The following NOS1 variants were observed in gnomAD, a reference collection of about 807,000 sequenced individuals.
NOS1 encodes the protein NOS type I.
A neutral mutation model predicts 164.5 loss-of-function variants in NOS1; 51 were observed. The observed-to-expected ratio is 0.31, with a 90% CI of 0.25 to 0.39. NOS1 has a LOEUF of 0.39. Ranked by LOEUF, NOS1 falls within the 10% of genes least tolerant of loss-of-function variation. The pLI is 1.00. For synonymous variants in NOS1, 719 were observed against 745.8 expected (o/e 0.96, Z 0.59); for missense variants, 1,362 against 1,885.6 (o/e 0.72, Z 5.14).
chr12:117,335,147 T>A (rs185684737), intron 1 of NOS1, among the ~76,000 whole-genome samples: 9 of 152,342 alleles, frequency 5.9e-5, no homozygotes, highest in African/African-American at 1.9e-4. Flanking sequence ...ATGTAATAGA[T>A]AACGATTCGG....
At chr12:117,222,906 T>A (rs774620997) in intron 25 of NOS1, 43 bp from the exon 26 acceptor site, 7 of 1,597,350 alleles carry the variant, frequency 4.4e-6, no homozygotes, top group Non-Finnish European at 6.0e-6. Context: ...GCTCTCTGCC[T>A]GATGTGCAGG....
intron 1 of NOS1, among the ~76,000 whole-genome samples, chr12:117,360,449 G>A (rs770024706): frequency 2.6e-5 from 4 of 152,262 alleles, no homozygotes; most frequent in Non-Finnish European, 5.9e-5. Flanking sequence ...AACCGTGGCG[G>A]AACGCGCCCC....
chr12:117,297,376 T>C (rs1206788153), intron 3 of NOS1, among the ~76,000 whole-genome samples: 2 of 151,796 alleles, frequency 1.3e-5, no homozygotes, highest in Non-Finnish European at 2.9e-5. Context: ...TAAACATGGA[T>C]TGGGTAAGTG....
chr12:117,309,325 C>T, intron 3 of NOS1: 2 of 985,236 alleles, frequency 2.0e-6, no homozygotes, highest in Non-Finnish European at 2.4e-6. Flanking sequence ...ACCACAGAAT[C>T]CCTGATGTCC....
chr12:117,273,487 T>A (rs537304343), intron 9 of NOS1, among the ~76,000 whole-genome samples: 1 of 152,248 alleles, frequency 6.6e-6, no homozygotes, highest in African/African-American at 2.4e-5. Flanking sequence ...GGGGAGCTAT[T>A]AGGTTGATGC....
At chr12:117,332,072 A>G (rs1875576577) in intron 1 of NOS1, among the ~76,000 whole-genome samples, 1 of 152,212 alleles carries the variant, frequency 6.6e-6, no homozygotes, top group Non-Finnish European at 1.5e-5. Context: ...GTCACACTAC[A>G]AACATAAATA....
chr12:117,215,183 G>A lies in NOS1; in HGVS notation c.*126C>T, dbSNP rs1161941987. 4 of 1,337,714 alleles carry A rather than the reference G, an allele frequency of 3.0e-6. No homozygotes were observed. The highest frequency in any genetic ancestry group is 2.7e-5 in the East Asian group (1 of 36,510). The allele number at this position is 1,337,714 out of a possible 1,614,324, so 82.9% of individuals were successfully genotyped here. A position where few individuals can be genotyped will look rare whatever the true frequency, so the allele number is the denominator to read the frequency against. ...CACTGAGGGGCGAGAAGCCCGAGGA[G>A]GGAAACCAGGGCACAGCGACAAGGA... On this transcript the variant is annotated 3_prime_UTR_variant, in exon 29 of 29. Coordinates refer to ENST00000317775, the MANE Select transcript of NOS1 (RefSeq NM_000620.5).
rs1956573324 is a variant in NOS1, at chr12:117,214,511, G to A, written c.*798C>T. 1.0e-6 allele frequency: 1 copy of A among 985,350 alleles called. No homozygotes were observed. 61.0% of individuals were successfully genotyped at this position (985,350 alleles called of 1,614,324 possible). The stretch of plus-strand genomic sequence containing the variant: ...AGGGGATTTGCACAATCCATTGGAT[G>A]GGTTCATGTCACATGAGGGCTCTGC... On this transcript the variant is annotated 3_prime_UTR_variant, in exon 29 of 29. Coordinates refer to ENST00000317775, the MANE Select transcript of NOS1 (RefSeq NM_000620.5).
intron 16 of NOS1, 57 bp from the exon 17 acceptor site, chr12:117,253,811 A>G (rs1871260227): frequency 1.7e-6 from 2 of 1,192,980 alleles, no homozygotes; most frequent in Non-Finnish European, 2.5e-6. Flanking sequence ...CCTGAGGTCA[A>G]CACCCTTGAT....
Position 117,259,084 on chromosome 12 carries a change from G to A in NOS1, c.2414C>T (p.Thr805Ile). The change falls in exon 15 of 29, where the codon ACT becomes ATT. Residue 805 changes from threonine to isoleucine, a missense_variant. Around this residue, in one of 4 missense-constraint regions of NOS1, gnomAD observed 737 missense variants for 1,030.3 expected, o/e 0.72. Coordinates refer to ENST00000317775, the MANE Select transcript of NOS1 (RefSeq NM_000620.5). ...GGTGCTGGTGACCACAAGGACCAGAGTTTCATGTTCCAGGTGCACAATGTC... is the reference window on the plus strand; with the variant it reads ...GGTGCTGGTGACCACAAGGACCAGAATTTCATGTTCCAGGTGCACAATGTC... Reference protein sequence around the residue: ...EYDIVHLEHETLVLVVTSTFG... With the variant: ...EYDIVHLEHEILVLVVTSTFG... The A allele has an allele frequency of 6.2e-7, 1 of 1,614,174 alleles. No homozygotes were observed. Among genetic ancestry groups the A allele is most frequent in the Non-Finnish European group, 8.5e-7 (1 of 1,180,026 alleles).
chr12:117,241,128 C>T (rs892542821), intron 20 of NOS1, among the ~76,000 whole-genome samples: 5 of 151,770 alleles, frequency 3.3e-5, no homozygotes, highest in Admixed American at 6.6e-5. Flanking sequence ...TTAGTACAGA[C>T]GGGGTTTCAC....
chr12:117,213,703 G>C lies in NOS1; in HGVS notation c.*1606C>G. 1.0e-6 allele frequency: 1 copy of C among 985,404 alleles called. No individual in the cohort carries two copies. Among genetic ancestry groups the C allele is most frequent in the Non-Finnish European group, 1.2e-6 (1 of 829,932 alleles). The allele number at this position is 985,404 out of a possible 1,614,324, so 61.0% of individuals were successfully genotyped here. ...TATATAAAAGAAATGTGGTTTTTCT[G>C]TATAGCAAGACACAACAAACAGGGT... is the stretch of plus-strand genomic sequence containing the variant. On this transcript the variant is annotated 3_prime_UTR_variant, in exon 29 of 29. Transcript: ENST00000317775.
intron 13 of NOS1, among the ~76,000 whole-genome samples, chr12:117,261,517 T>C (rs972499300): frequency 6.6e-6 from 1 of 152,166 alleles, no homozygotes; most frequent in Admixed American, 6.5e-5. Flanking sequence ...AATCACGAAT[T>C]AGTCACCAGG....
At position 117,211,245 on chromosome 12, in the gene NOS1, A is replaced by G. The variant is rs1956522832; in HGVS notation, c.*4064T>C. ...AGTGCTGGGATTACAGACATGAGCT[A>G]CCGCGCCCAGCCTGCAAGATGCTTT... On this transcript the variant is annotated 3_prime_UTR_variant, in exon 29 of 29. Coordinates refer to ENST00000317775, the MANE Select transcript of NOS1 (RefSeq NM_000620.5). 3.0e-6 allele frequency: 3 copies of G among 985,252 alleles called. No homozygotes were observed. In the South Asian group the frequency reaches 1.4e-4, roughly 46 times the overall value. The allele number at this position is 985,252 out of a possible 1,614,324, so 61.0% of individuals were successfully genotyped here. A position where few individuals can be genotyped will look rare whatever the true frequency, so the allele number is the denominator to read the frequency against.
chr12:117,346,961 T>C (rs1167211910), intron 1 of NOS1, among the ~76,000 whole-genome samples: 2 of 152,196 alleles, frequency 1.3e-5, no homozygotes, highest in Non-Finnish European at 2.9e-5. Flanking sequence ...AGTTAAATTT[T>C]TTCCCCCAAA....
At chr12:117,359,733 C>T (rs907429598) in intron 1 of NOS1, among the ~76,000 whole-genome samples, 5 of 151,446 alleles carry the variant, frequency 3.3e-5, no homozygotes, top group African/African-American at 9.7e-5. Flanking sequence ...CCCAGGATTA[C>T]TGGGGTAGAG....
chr12:117,319,644 A>G (rs1202613581), intron 2 of NOS1, among the ~76,000 whole-genome samples: 6 of 152,178 alleles, frequency 3.9e-5, no homozygotes, highest in African/African-American at 1.4e-4. Flanking sequence ...TTTTTTTTTA[A>G]GAGGTTGGAA....
intron 10 of NOS1, among the ~76,000 whole-genome samples, chr12:117,269,122 T>C (rs924052306): frequency 6.6e-6 from 1 of 151,898 alleles, no homozygotes; most frequent in African/African-American, 2.4e-5. Context: ...AAGAGGGATA[T>C]GGGGGCTGGG....
At chr12:117,315,407 T>G (rs374023250) in intron 2 of NOS1, among the ~76,000 whole-genome samples, 24 of 152,232 alleles carry the variant, frequency 1.6e-4, no homozygotes, top group East Asian at 1.5e-3. Flanking sequence ...AGAGACAGGA[T>G]TTCACCATGT....
Sources: allele counts gnomAD v4.1 joint callset (sites outside exome capture counted in the v4.1 genomes callset), GRCh38; gene constraint gnomAD v4.1.1; regional missense constraint gnomAD v4.1.1; transcripts MANE v1.5; gene names NCBI Gene and HGNC (gene_info 2026-07-23, HGNC 2026-07-21).